SRFBP1: variants seen among roughly 807,000 people sequenced by gnomAD.
SRFBP1 encodes the protein serum response factor-binding protein 1.
SRFBP1 carries 47 observed loss-of-function variants against 45.5 expected under a neutral mutation model. The ratio of observed to expected loss-of-function variants is 1.03; its 90% CI spans 0.82 to 1.32. SRFBP1 has a LOEUF of 1.32. SRFBP1 is among the 40% of genes most tolerant of loss of function. The pLI is 0.00. For synonymous variants in SRFBP1, 203 were observed against 166.3 expected (o/e 1.22, Z -1.70); for missense variants, 621 against 484.6 (o/e 1.28, Z -2.64).
chr5:122,077,792 T>C (rs2152591616), downstream of SRFBP1: 7 of 1,549,798 alleles, frequency 4.5e-6, no homozygotes, highest in Non-Finnish European at 4.3e-6. The surrounding 1 kb of genome is among the most constrained non-coding windows in gnomAD (Gnocchi z 4.9). Context: ...GCGCTGAGGC[T>C]GGTACTGTGA....
chr5:121,970,477 A>T (rs773375417), intron 1 of SRFBP1, among the ~76,000 whole-genome samples: 1 of 151,824 alleles, frequency 6.6e-6, no homozygotes, highest in Non-Finnish European at 1.5e-5. Flanking sequence ...TATTTTATGA[A>T]TAACTTAACT....
intron 4 of SRFBP1, among the ~76,000 whole-genome samples, chr5:122,000,869 T>C (rs1043926731): frequency 6.6e-6 from 1 of 152,292 alleles, no homozygotes; most frequent in African/African-American, 2.4e-5. Flanking sequence ...ATTTTTATGA[T>C]AAACTATAAG....
At chr5:121,997,729 A>T (rs1580515651) in intron 4 of SRFBP1, among the ~76,000 whole-genome samples, 2 of 152,046 alleles carry the variant, frequency 1.3e-5, no homozygotes, top group South Asian at 4.2e-4. Context: ...TGAACAGGCA[A>T]CCTGCAAAAT....
chr5:121,977,259 A>G (rs1752321925), intron 3 of SRFBP1, among the ~76,000 whole-genome samples: 1 of 152,080 alleles, frequency 6.6e-6, no homozygotes, highest in Admixed American at 6.6e-5. Flanking sequence ...TTCATAGCCT[A>G]TGTATTCCTT....
chr5:122,037,565 G>A (rs747161667), intron 2 of SRFBP1, among the ~76,000 whole-genome samples: 6 of 151,952 alleles, frequency 3.9e-5, no homozygotes, highest in Non-Finnish European at 8.8e-5. Context: ...GAGCAGTGGC[G>A]TAATCATAGC....
At chr5:122,072,281 T>C (rs1234236164) in intron 2 of SRFBP1, among the ~76,000 whole-genome samples, 1 of 152,198 alleles carries the variant, frequency 6.6e-6, no homozygotes, top group East Asian at 1.9e-4. Context: ...TTTGATTATT[T>C]GCACAAGCAA....
chr5:122,036,820 G>A (rs969012431), intron 2 of SRFBP1, among the ~76,000 whole-genome samples: 3 of 151,678 alleles, frequency 2.0e-5, no homozygotes, highest in African/African-American at 7.3e-5. Flanking sequence ...TCCCTTTGCT[G>A]ATTGTAATCT....
In SRFBP1 at chr5:122,071,399, A is replaced by G. The variant is rs980182233; in HGVS notation, n.312-3916A>G. Among the ~76,000 whole-genome samples the G allele has an allele frequency of 5.3e-5, 8 of 152,080 alleles. No homozygotes were observed. In the South Asian group the frequency reaches 1.7e-3, roughly 32 times the overall value. ...AGTCCCTGTTCTTAACTACCCCACT[A>G]TACTCTCTCTCATACAGTCACTGAA... On this transcript the variant is annotated intron_variant and non_coding_transcript_variant, in intron 2 of 2. Transcript: ENST00000504881.
chr5:121,980,372 C>G (rs1752384424), intron 3 of SRFBP1, among the ~76,000 whole-genome samples: 1 of 152,100 alleles, frequency 6.6e-6, no homozygotes. Context: ...GTAAAGGTAT[C>G]TTTTCTGTTT....
At chr5:122,078,083 C>G (rs1754696468), downstream of SRFBP1, 5 of 1,198,748 alleles carry the variant, frequency 4.2e-6, no homozygotes, top group Non-Finnish European at 3.3e-6. Context: ...AATCTTCAAC[C>G]AAGGAGGCGA....
chr5:122,026,909 A>G (rs764591486), intron 7 of SRFBP1, 33 bp from the exon 8 acceptor site: 55 of 1,488,656 alleles, frequency 3.7e-5, no homozygotes, highest in Non-Finnish European at 5.0e-5. Flanking sequence ...CTTTAAGTAT[A>G]TAGTTATTAT....
At chr5:122,077,206 C>T (rs1754664023), downstream of SRFBP1, 8 of 1,479,480 alleles carry the variant, frequency 5.4e-6, no homozygotes, top group Admixed American at 1.6e-4. This position sits in a 1 kb window ranked among gnomAD's most constrained non-coding sequence, Gnocchi z 4.9. Flanking sequence ...GCGGTTTGCA[C>T]TGGATTCCAG....
intron 3 of SRFBP1, among the ~76,000 whole-genome samples, chr5:121,993,989 A>G (rs1752667241): frequency 6.6e-6 from 1 of 151,996 alleles, no homozygotes; most frequent in Non-Finnish European, 1.5e-5. Context: ...TTGACTTAAT[A>G]TGTGATAATT....
Position 121,975,744 on chromosome 5 carries a change from G to T in SRFBP1, c.198+357G>T, listed in dbSNP as rs1223324288. Among the ~76,000 whole-genome samples, 4 of 152,088 alleles carry T rather than the reference G, an allele frequency of 2.6e-5. No homozygotes were observed. The South Asian group carries it at 6.2e-4, about 24-fold the overall frequency. On this transcript the variant is annotated intron_variant, in intron 3 of 7. Transcript: ENST00000339397. ...TTCATGCTATTTGGGAATGTGGATG[G>T]TGATATTGGTGGCTGACATCATGCT...
intron 2 of SRFBP1, among the ~76,000 whole-genome samples, chr5:122,053,022 C>A (rs1754016257): frequency 6.6e-6 from 1 of 152,088 alleles, no homozygotes; most frequent in Non-Finnish European, 1.5e-5. Flanking sequence ...GAGGAGCCCC[C>A]TCCAATTGCT....
chr5:122,020,216 G>T lies in SRFBP1; in HGVS notation c.481G>T (p.Glu161Ter). 6.2e-7 allele frequency: 1 copy of T among 1,613,574 alleles called. No homozygotes were observed. The highest frequency in any genetic ancestry group is 8.5e-7 in the Non-Finnish European group (1 of 1,179,840). Reference protein sequence around the residue: ...SNDNGSNLQREATVISEQKVK... With the variant: ...SNDNGSNLQR ...TGATAATGGAAGTAATTTACAGCGT[G>T]AAGCAACTGTCATCAGTGAGCAAAA... Residue 161 changes from glutamate to a stop codon, truncating the protein, a stop_gained, in exon 6 of 8, where the codon GAA (glutamate) becomes TAA (stop). Transcript: ENST00000339397. LOFTEE classifies it high-confidence loss of function.
chr5:122,038,914 A>T (rs1019553330), intron 2 of SRFBP1, among the ~76,000 whole-genome samples: 1 of 151,568 alleles, frequency 6.6e-6, no homozygotes, highest in Non-Finnish European at 1.5e-5. Flanking sequence ...ACTATAAAAA[A>T]CCCCAAGGAG....
At chr5:121,973,202 AAGAC>A (rs1399555436) in intron 1 of SRFBP1, among the ~76,000 whole-genome samples, 2 of 151,906 alleles carry the variant, frequency 1.3e-5, no homozygotes, top group East Asian at 3.9e-4. Context: ...TCTATAGAAA[AAGAC>A]AGCCACATGA....
chr5:122,055,550 A>G (rs1361605224), intron 2 of SRFBP1, among the ~76,000 whole-genome samples: 7 of 152,216 alleles, frequency 4.6e-5, no homozygotes, highest in Non-Finnish European at 8.8e-5. Flanking sequence ...TGTTAGTTAC[A>G]TTTTAGAAAG....
Sources: gnomAD v4.1 joint callset for allele counts (sites outside exome capture counted in the v4.1 genomes callset) on GRCh38, gnomAD v4.1.1 for gene constraint, Gnocchi (gnomAD v3.1) non-coding constraint, MANE v1.5 for transcripts, NCBI Gene and HGNC (gene_info 2026-07-23, HGNC 2026-07-21) for gene names.